The following ITPK1 variants were observed in gnomAD, a reference collection of about 807,000 sequenced individuals.
ITPK1 encodes the protein inositol 1,3,4-trisphosphate 5/6-kinase.
In ITPK1, 21 loss-of-function variants were observed where a neutral mutation model predicts 45.3. The observed-to-expected ratio is 0.46, with a 90% CI of 0.33 to 0.67. The LOEUF is 0.67. Ranked by LOEUF, ITPK1 falls within the 30% of genes least tolerant of loss-of-function variation. The pLI is 0.02. For missense variants in ITPK1, 474 were observed against 573.5 expected (o/e 0.83, Z 1.77); for synonymous variants, 258 against 253.6 (o/e 1.02, Z -0.16).
intron 3 of ITPK1, among the ~76,000 whole-genome samples, chr14:93,054,073 C>T (rs1323550891): frequency 6.6e-6 from 1 of 152,216 alleles, no homozygotes; most frequent in South Asian, 2.1e-4. Context: ...CCAACCCTGA[C>T]TGAACATCTT....
In ITPK1 at chr14:93,098,397, T is replaced by C. The variant is rs1444398961; in HGVS notation, c.95+16672A>G. 4.7e-5 allele frequency among the ~76,000 whole-genome samples: 7 copies of C among 150,222 alleles called. No individual in the cohort carries two copies. In the East Asian group the frequency reaches 8.0e-4, roughly 17 times the overall value. ...GCGTGAACCCGGGAGGCGGAGCTTG[T>C]AGTGAGCCGAGATCACGCTGCCGCA... On this transcript the variant is annotated intron_variant, in intron 2 of 10. Transcript: ENST00000267615.
At chr14:92,979,245 T>C (rs894700294) in intron 5 of ITPK1, among the ~76,000 whole-genome samples, 1 of 152,256 alleles carries the variant, frequency 6.6e-6, no homozygotes, top group East Asian at 1.9e-4. Flanking sequence ...GTTTAACCAA[T>C]GACTGTACCC....
chr14:92,977,118 T>C (rs1885981839), intron 5 of ITPK1, among the ~76,000 whole-genome samples: 1 of 152,170 alleles, frequency 6.6e-6, no homozygotes, highest in Non-Finnish European at 1.5e-5. Flanking sequence ...GCTGTAAGGA[T>C]CAAACAGGTT....
At chr14:92,976,620 C>T (rs1173744793) in intron 5 of ITPK1, among the ~76,000 whole-genome samples, 1 of 152,262 alleles carries the variant, frequency 6.6e-6, no homozygotes, top group Non-Finnish European at 1.5e-5. Context: ...GGCTTAATGT[C>T]AACAATAACC....
chr14:92,975,373 A>T (rs1015408274), intron 5 of ITPK1, among the ~76,000 whole-genome samples: 1 of 151,976 alleles, frequency 6.6e-6, no homozygotes, highest in Non-Finnish European at 1.5e-5. Context: ...CCCAGTACGC[A>T]GTTCCTTCCT....
intron 3 of ITPK1, among the ~76,000 whole-genome samples, chr14:93,026,699 C>T (rs1000832216): frequency 1.3e-5 from 2 of 152,140 alleles, no homozygotes; most frequent in Non-Finnish European, 2.9e-5. Flanking sequence ...AAATTAGTAA[C>T]TAAATAAAAG....
At position 93,034,998 on chromosome 14, in the gene ITPK1, A is replaced by C. The variant is rs1889256793; in HGVS notation, c.121-18197T>G. Among the ~76,000 whole-genome samples the C allele has an allele frequency of 6.6e-6, 1 of 152,240 alleles. No homozygotes were observed. The highest frequency in any genetic ancestry group is 2.4e-5 in the African/African-American group (1 of 41,458). ...CCTGCACCTACAAAGCAAGTCCTAC[A>C]GGGTGAACACACCTCCTTCTTTTGG... On this transcript the variant is annotated intron_variant, in intron 3 of 10. Coordinates refer to ENST00000267615, the MANE Select transcript of ITPK1 (RefSeq NM_014216.6). The surrounding 1 kb of genome is among the most constrained non-coding windows in gnomAD (Gnocchi z 4.1).
intron 4 of ITPK1, among the ~76,000 whole-genome samples, chr14:93,008,337 G>A (rs1887720990): frequency 6.6e-6 from 1 of 152,212 alleles, no homozygotes; most frequent in African/African-American, 2.4e-5. Context: ...CTCCAGCAGG[G>A]CAGGGGCTGC....
At chr14:92,961,866 C>T (rs773715517) in intron 7 of ITPK1, among the ~76,000 whole-genome samples, 30 of 152,238 alleles carry the variant, frequency 2.0e-4, no homozygotes, top group Non-Finnish European at 4.1e-4. Flanking sequence ...AGAGAGCTTG[C>T]TCTTGCTTTC....
At chr14:93,039,802 T>C (rs1441594960) in intron 3 of ITPK1, among the ~76,000 whole-genome samples, 5 of 152,250 alleles carry the variant, frequency 3.3e-5, no homozygotes, top group Non-Finnish European at 7.3e-5. Context: ...GAGTTCTCCC[T>C]GCCAAAGTCT....
chr14:92,948,848 C>T (rs1457279585), intron 9 of ITPK1, among the ~76,000 whole-genome samples: 1 of 144,738 alleles, frequency 6.9e-6, no homozygotes, highest in African/African-American at 2.7e-5. Context: ...GCTCCAAGTC[C>T]GGGCGCCGCC....
chr14:92,955,235 C>A (rs2139725357), intron 8 of ITPK1, among the ~76,000 whole-genome samples: 1 of 152,338 alleles, frequency 6.6e-6, no homozygotes, highest in Non-Finnish European at 1.5e-5. Context: ...TTTTGCACTA[C>A]AACGGCAGCA....
At chr14:93,090,489 C>G (rs1891825850) in intron 2 of ITPK1, among the ~76,000 whole-genome samples, 1 of 152,172 alleles carries the variant, frequency 6.6e-6, no homozygotes, top group South Asian at 2.1e-4. Context: ...CCACTTCGTG[C>G]CAACCCTAAA....
intron 4 of ITPK1, among the ~76,000 whole-genome samples, chr14:93,003,175 G>C (rs912990875): frequency 6.6e-6 from 1 of 152,204 alleles, no homozygotes; most frequent in Admixed American, 6.5e-5. Context: ...GTCAAGAGCA[G>C]TTGTACTTTC....
intron 2 of ITPK1, among the ~76,000 whole-genome samples, chr14:93,104,238 C>T (rs1265959037): frequency 6.6e-6 from 1 of 152,180 alleles, no homozygotes; most frequent in Non-Finnish European, 1.5e-5. Flanking sequence ...GTAATCCCAG[C>T]ATTTTGTGAG....
chr14:93,071,923 A>C (rs1891020385), intron 3 of ITPK1: 1 of 152,180 alleles, frequency 6.6e-6, no homozygotes, highest in African/African-American at 2.4e-5. Context: ...AATTATTATA[A>C]CAATTACTAT....
At chr14:92,962,293 T>G in intron 7 of ITPK1, 62 bp downstream of exon 7, 61 of 1,205,284 alleles carry the variant, frequency 5.1e-5, no homozygotes, top group Non-Finnish European at 6.8e-5. Flanking sequence ...AGGGTAGCAG[T>G]GAGACACGAT....
intron 5 of ITPK1, among the ~76,000 whole-genome samples, chr14:92,988,273 C>A (rs1295505692): frequency 6.6e-6 from 1 of 152,188 alleles, no homozygotes; most frequent in East Asian, 1.9e-4. Context: ...GAGGCATGGG[C>A]AGGTGCACAC....
chr14:93,089,904 G>A (rs1891798789), intron 2 of ITPK1, among the ~76,000 whole-genome samples: 1 of 152,190 alleles, frequency 6.6e-6, no homozygotes, highest in Non-Finnish European at 1.5e-5. Context: ...CCAGGACCCT[G>A]GGCATTAGAG....
Sources: allele counts gnomAD v4.1 joint callset (sites outside exome capture counted in the v4.1 genomes callset), GRCh38; gene constraint gnomAD v4.1.1; non-coding constraint Gnocchi (gnomAD v3.1); transcripts MANE v1.5; gene names NCBI Gene and HGNC (gene_info 2026-07-23, HGNC 2026-07-21).